Variants in CYFIP2 observed in about 807,000 individuals in gnomAD.
CYFIP2 encodes cytoplasmic FMR1 interacting protein 2, also known as cytoplasmic FMR1-interacting protein 2.
Under a neutral mutation model 158.7 loss-of-function variants are expected in CYFIP2, and 29 were observed. The ratio of observed to expected loss-of-function variants is 0.18; its 90% CI spans 0.14 to 0.25. The LOEUF (loss-of-function observed/expected upper bound fraction) is 0.25, where lower values mean the gene tolerates loss of function less well. CYFIP2 is among the 10% of genes least tolerant of loss of function. The pLI is 1.00. For missense variants in CYFIP2, 852 were observed against 1,639.5 expected, an observed-to-expected ratio of 0.52 and a Z score of 8.29; for synonymous variants, 585 against 617.6, an observed-to-expected ratio of 0.95 and a Z score of 0.78.
intron 8 of CYFIP2, among the ~76,000 whole-genome samples, chr5:157,305,502 G>A (rs1759139357): frequency 6.6e-6 from 1 of 152,190 alleles, no homozygotes; most frequent in Non-Finnish European, 1.5e-5. Flanking sequence ...TTCACCAAGA[G>A]TTAACACTTT....
intron 12 of CYFIP2, 65 bp from the exon 13 acceptor site, chr5:157,314,904 T>G: frequency 8.0e-7 from 1 of 1,251,688 alleles, no homozygotes; most frequent in South Asian, 1.3e-5. Flanking sequence ...ATTGCATGGA[T>G]CCACCACATT....
At chr5:157,281,163 T>A (rs889456221) in intron 1 of CYFIP2, among the ~76,000 whole-genome samples, 1 of 152,242 alleles carries the variant, frequency 6.6e-6, no homozygotes, top group Admixed American at 6.5e-5. Flanking sequence ...TGCCCTCTTA[T>A]ATTTCCTGTG....
At chr5:157,369,905 A>G (rs11749709) in intron 26 of CYFIP2, among the ~76,000 whole-genome samples, 91,757 of 142,306 alleles carry the variant, frequency 0.64, 30,795 homozygotes, top group Middle Eastern at 0.73. Flanking sequence ...TTTTAAAGAC[A>G]GAGTCTTGCT....
intron 18 of CYFIP2, 37 bp from the exon 19 acceptor site, chr5:157,327,936 C>T (rs1382422123): frequency 1.8e-5 from 29 of 1,598,304 alleles, no homozygotes; most frequent in East Asian, 1.1e-4. Flanking sequence ...TAAAGCTGAA[C>T]GGGCACCAGT....
intron 20 of CYFIP2, among the ~76,000 whole-genome samples, chr5:157,332,102 A>G (rs944350407): frequency 6.6e-6 from 1 of 152,236 alleles, no homozygotes; most frequent in African/African-American, 2.4e-5. Flanking sequence ...GAAAGATGGC[A>G]GAAAGAACCC....
intron 1 of CYFIP2, among the ~76,000 whole-genome samples, chr5:157,278,324 A>G (rs1011165430): frequency 2.6e-5 from 4 of 152,214 alleles, no homozygotes; most frequent in Admixed American, 1.3e-4. Context: ...CATGAAACAC[A>G]AAGGTGACAA....
intron 15 of CYFIP2, among the ~76,000 whole-genome samples, chr5:157,321,351 G>A (rs1220247596): frequency 6.6e-6 from 1 of 152,188 alleles, no homozygotes; most frequent in African/African-American, 2.4e-5. Context: ...ATATTCCTTA[G>A]TTCCACATCC....
intron 1 of CYFIP2, among the ~76,000 whole-genome samples, chr5:157,269,151 C>T (rs1018980294): frequency 2.6e-5 from 4 of 152,050 alleles, no homozygotes; most frequent in African/African-American, 9.6e-5. Flanking sequence ...TCTCTGTGAC[C>T]AGTAAACCCA....
chr5:157,307,667 G>A (rs866732173), intron 8 of CYFIP2, 94 bp from the exon 9 acceptor site: 1 of 502,648 alleles, frequency 2.0e-6, no homozygotes, highest in Non-Finnish European at 3.6e-6. Flanking sequence ...ATGTGTGTGT[G>A]TGTGTGTGAC....
chr5:157,377,037 A>T (rs1328391393), intron 26 of CYFIP2: 4 of 372,432 alleles, frequency 1.1e-5, no homozygotes, highest in South Asian at 8.0e-5. Flanking sequence ...CCTCAGGTCC[A>T]GTCATCAGGT....
intron 21 of CYFIP2, among the ~76,000 whole-genome samples, chr5:157,335,315 T>C (rs1761770529): frequency 6.6e-6 from 1 of 152,252 alleles, no homozygotes. Context: ...TCTTGCTCTG[T>C]TGCCTAGGCT....
At position 157,309,866 on chromosome 5, in the gene CYFIP2, C is replaced by T. The variant is rs375972280; in HGVS notation, c.992+32C>T. 44 of 1,555,772 alleles carry T rather than the reference C, an allele frequency of 2.8e-5. No homozygotes were observed. In the Admixed American group the frequency reaches 4.8e-4, roughly 17 times the overall value. On this transcript the variant is annotated intron_variant, in intron 10 of 30. Transcript: ENST00000620254. The stretch of plus-strand genomic sequence containing the variant: ...GCCTGCCGTAATGTCTCTCGGCTCC[C>T]GCAAGGATGCCCAGCCCGGGCAGAG...
At chr5:157,327,912 CTCAGTTTCTG>C in intron 18 of CYFIP2, 51 bp from the exon 19 acceptor site, 1 of 1,534,302 alleles carries the variant, frequency 6.5e-7, no homozygotes, top group Non-Finnish European at 9.0e-7. Flanking sequence ...TTTCAGTTGG[CTCAGTTTCTG>C]TCATAAAGCT....
chr5:157,386,793 G>A (rs190865705), intron 28 of CYFIP2, among the ~76,000 whole-genome samples: 330 of 152,198 alleles, frequency 2.2e-3, no homozygotes, highest in Middle Eastern at 0.021. Flanking sequence ...GGTGGCCCAC[G>A]CCTGTGATCC....
intron 28 of CYFIP2, among the ~76,000 whole-genome samples, chr5:157,387,240 CT>C (rs994825083): frequency 7.9e-5 from 12 of 151,668 alleles, no homozygotes; most frequent in East Asian, 1.9e-4. Context: ...TTTCTTAGAA[CT>C]TTTTTTTTCT....
chr5:157,346,663 G>A (rs1762719014), intron 23 of CYFIP2, among the ~76,000 whole-genome samples: 1 of 152,190 alleles, frequency 6.6e-6, no homozygotes, highest in African/African-American at 2.4e-5. Flanking sequence ...ATAAATTTCT[G>A]TCATGTTAAG....
In CYFIP2 at chr5:157,389,398, C is replaced by A. The variant is rs1767031173; in HGVS notation, c.3417C>A (p.Ile1139=). 1.9e-6 allele frequency: 3 copies of A among 1,605,698 alleles called. No individual in the cohort carries two copies. The South Asian group carries it at 3.3e-5, about 18-fold the overall frequency. ...LWSAMQFVYC[I]PVGTNEFTAE... Reference sequence around the variant, plus strand: ...GCGCCATGCAGTTCGTGTACTGCATCCCTGTGGGAACCAACGAGTTCACAG... The same window carrying A: ...GCGCCATGCAGTTCGTGTACTGCATACCTGTGGGAACCAACGAGTTCACAG... Residue 1139 remains isoleucine, a synonymous_variant, in exon 29 of 31, where the codon ATC becomes ATA. Transcript: ENST00000620254.
In CYFIP2 at chr5:157,323,984, C is replaced by T; in HGVS notation, c.1735C>T (p.Leu579=). 1 of 1,611,808 alleles carries T rather than the reference C, an allele frequency of 6.2e-7. No homozygotes were observed. The highest frequency in any genetic ancestry group is 8.5e-7 in the Non-Finnish European group (1 of 1,178,934). ...IADKSGSKKT[L]RSSLDGPIVL... ...AGACAAAAGCGGCTCCAAGAAGACC[C>T]TGAGGAGCAGCCTGGATGGACCCAT... Residue 579 remains leucine (L), a synonymous_variant, in exon 16 of 31, where the codon CTG becomes TTG. Coordinates refer to ENST00000620254, the MANE Select transcript of CYFIP2 (RefSeq NM_001037333.3).
chr5:157,338,879 C>A (rs1056288850), intron 21 of CYFIP2, among the ~76,000 whole-genome samples, 178 bp from the exon 22 acceptor site: 1 of 152,242 alleles, frequency 6.6e-6, no homozygotes, highest in Non-Finnish European at 1.5e-5. Flanking sequence ...GACAATCCTT[C>A]CACTTCTCAG....
Sources: gnomAD v4.1 joint callset for allele counts (sites outside exome capture counted in the v4.1 genomes callset) on GRCh38, gnomAD v4.1.1 for gene constraint, MANE v1.5 for transcripts, NCBI Gene and HGNC (gene_info 2026-07-23, HGNC 2026-07-21) for gene names.